The following FAR2 variants were observed in gnomAD, a reference collection of about 807,000 sequenced individuals.
FAR2 encodes the protein fatty acyl-CoA reductase 2.
A neutral mutation model predicts 56.0 loss-of-function variants in FAR2; 19 were observed. The observed-to-expected ratio is 0.34, with a 90% CI of 0.24 to 0.50. FAR2 has a LOEUF of 0.50. Ranked by LOEUF, FAR2 falls within the 20% of genes least tolerant of loss-of-function variation. The pLI, the probability that FAR2 is intolerant of heterozygous loss-of-function variation, is 0.98. For synonymous variants in FAR2, 219 were observed against 218.8 expected (o/e 1.00, Z -0.01); for missense variants, 508 against 642.2 (o/e 0.79, Z 2.26).
intron 1 of FAR2, among the ~76,000 whole-genome samples, chr12:29,262,637 ATAAG>A (rs199890038): frequency 0.068 from 10,361 of 152,172 alleles, 417 homozygotes; most frequent in South Asian, 0.13. Flanking sequence ...TCTTCAAAAA[ATAAG>A]TAAGTAAATA....
At chr12:29,290,849 G>A (rs1032627200) in intron 2 of FAR2, among the ~76,000 whole-genome samples, 1 of 152,186 alleles carries the variant, frequency 6.6e-6, no homozygotes, top group African/African-American at 2.4e-5. Context: ...GTTACCAGAG[G>A]CTGGGAAGGC....
At chr12:29,191,915 GC>G (rs578089813) in intron 1 of FAR2, among the ~76,000 whole-genome samples, 20 of 152,182 alleles carry the variant, frequency 1.3e-4, no homozygotes, top group Non-Finnish European at 2.5e-4. Flanking sequence ...TTGTAACAAT[GC>G]TTTTCAAGGC....
At chr12:29,311,750 T>C (rs1394064101) in intron 7 of FAR2, 133 bp from the exon 8 acceptor site, 4 of 609,688 alleles carry the variant, frequency 6.6e-6, no homozygotes, top group South Asian at 2.2e-5. Flanking sequence ...GAATGAACGA[T>C]GGAAGCCTTT....
chr12:29,166,164 A>C (rs552951203), intron 1 of FAR2, among the ~76,000 whole-genome samples: 2 of 152,382 alleles, frequency 1.3e-5, no homozygotes, highest in Non-Finnish European at 2.9e-5. Flanking sequence ...AATTGTTAAT[A>C]TAAAGTCTAA....
chr12:29,234,934 C>T (rs1465396043), intron 1 of FAR2, among the ~76,000 whole-genome samples: 2 of 152,122 alleles, frequency 1.3e-5, no homozygotes, highest in African/African-American at 2.4e-5. Flanking sequence ...TTATTCATCA[C>T]GCATATATCA....
rs758725922 is a variant in FAR2, at chr12:29,293,341, G to C, written c.231G>C (p.Glu77Asp). ...KVKEVCPNVH[E>D]KIRAIYADLN... ...AAGAAGTTTGTCCAAATGTGCATGAGAAGATCAGAGCTATTTATGCAGATC... is the reference window on the plus strand; with the variant it reads ...AAGAAGTTTGTCCAAATGTGCATGACAAGATCAGAGCTATTTATGCAGATC... The change falls in exon 3 of 12, where the codon GAG becomes GAC. Residue 77 changes from glutamate (E) to aspartate (D), a missense_variant. By Grantham distance (45) the Glu-to-Asp change is conservative. Coordinates refer to ENST00000536681, the MANE Select transcript of FAR2 (RefSeq NM_001271783.2). 6.2e-7 allele frequency: 1 copy of C among 1,602,514 alleles called. No homozygotes were observed. Among genetic ancestry groups the C allele is most frequent in the Admixed American group, 1.7e-5 (1 of 57,346 alleles).
chr12:29,192,330 T>A (rs1470081091), intron 1 of FAR2, among the ~76,000 whole-genome samples: 1 of 152,220 alleles, frequency 6.6e-6, no homozygotes, highest in Non-Finnish European at 1.5e-5. Flanking sequence ...TGTGAACAAT[T>A]GGACGCATGA....
intron 2 of FAR2, chr12:29,277,932 C>CTTTTTTTTTTTTTTTTTTT: frequency 8.7e-6 from 1 of 115,490 alleles, no homozygotes; most frequent in Non-Finnish European, 1.7e-5. Context: ...TATTTTCTTT[C>CTTTTTTTTTTTTTTTTTTT]TTTTTTTTTT....
intron 1 of FAR2, among the ~76,000 whole-genome samples, chr12:29,176,453 T>A (rs1949939215): frequency 6.6e-6 from 1 of 152,160 alleles, no homozygotes; most frequent in Non-Finnish European, 1.5e-5. Flanking sequence ...ACATCTTTAG[T>A]TTGCATTTTT....
chr12:29,185,205 G>A lies in FAR2; in HGVS notation c.-39+35798G>A, dbSNP rs1209139230. 3.3e-5 allele frequency among the ~76,000 whole-genome samples: 5 copies of A among 152,276 alleles called. No homozygotes were observed. The South Asian group carries it at 6.2e-4, about 19-fold the overall frequency. ...TGTCAGTTTTTTACTACAAAAGGCA[G>A]CATATGGTTAAATTTCAAATTAATG... On this transcript the variant is annotated intron_variant, in intron 1 of 11. Coordinates refer to ENST00000536681, the MANE Select transcript of FAR2 (RefSeq NM_001271783.2).
In FAR2 at chr12:29,324,564, T is replaced by C. The variant is rs1032703500; in HGVS notation, c.1257+2640T>C. Among the ~76,000 whole-genome samples the C allele has an allele frequency of 6.6e-5, 10 of 152,292 alleles. 1 individual carries two copies. The highest frequency in any genetic ancestry group is 2.4e-4 in the African/African-American group (10 of 41,564). On this transcript the variant is annotated intron_variant, in intron 10 of 11. Coordinates refer to ENST00000536681, the MANE Select transcript of FAR2 (RefSeq NM_001271783.2). ...ACAGATGATCTCTCGGCAGAAACTC[T>C]ACAAGCCAGAAGAGAGTGGGGGCCG...
intron 4 of FAR2, among the ~76,000 whole-genome samples, chr12:29,302,235 G>GAAA (rs1949182754): frequency 7.8e-5 from 2 of 25,542 alleles, no homozygotes; most frequent in Non-Finnish European, 1.4e-4. Context: ...CCATCTCAAA[G>GAAA]GAAAAAAAAA....
chr12:29,150,301 G>A (rs1226330501), intron 1 of FAR2, among the ~76,000 whole-genome samples: 1 of 152,240 alleles, frequency 6.6e-6, no homozygotes, highest in Non-Finnish European at 1.5e-5. Flanking sequence ...GAGTTATGTG[G>A]TGTGAGCAAC....
intron 1 of FAR2, among the ~76,000 whole-genome samples, chr12:29,182,859 C>T (rs1323324165): frequency 6.6e-6 from 1 of 151,992 alleles, no homozygotes; most frequent in East Asian, 1.9e-4. Flanking sequence ...TTCCCATTCA[C>T]ACCTATTCCT....
In FAR2 at chr12:29,293,347, C is replaced by A; in HGVS notation, c.237C>A (p.Ile79=). The A allele has an allele frequency of 6.2e-7, 1 of 1,607,258 alleles. No individual in the cohort carries two copies. Among genetic ancestry groups the A allele is most frequent in the Non-Finnish European group, 8.5e-7 (1 of 1,177,502 alleles). The change falls in exon 3 of 12, where the codon ATC becomes ATA. Residue 79 remains isoleucine, a synonymous_variant. Coordinates refer to ENST00000536681, the MANE Select transcript of FAR2 (RefSeq NM_001271783.2). The part of the protein sequence containing the change: ...KEVCPNVHEK[I]RAIYADLNQN... Reference sequence around the variant, plus strand: ...TTTGTCCAAATGTGCATGAGAAGATCAGAGCTATTTATGCAGATCTCAATC... The same window carrying A: ...TTTGTCCAAATGTGCATGAGAAGATAAGAGCTATTTATGCAGATCTCAATC...
intron 10 of FAR2, 144 bp downstream of exon 10, chr12:29,322,068 T>G: frequency 1.1e-6 from 1 of 891,746 alleles, no homozygotes; most frequent in Non-Finnish European, 1.6e-6. Flanking sequence ...AGAAAATCAG[T>G]CAATGCTATC....
Position 29,333,716 on chromosome 12 carries a change from G to C in FAR2, c.1470G>C (p.Arg490=), listed in dbSNP as rs1006278192. The C allele has an allele frequency of 1.3e-5, 21 of 1,613,704 alleles. No individual in the cohort carries two copies. Among genetic ancestry groups the C allele is most frequent in the Non-Finnish European group, 1.6e-5 (19 of 1,179,770 alleles). Reference sequence around the variant, plus strand: ...TCATTGCAAGATCTCAGATGGCTCGGAATGTCTGGTTCTTCATTGTAAGCT... The same window carrying C: ...TCATTGCAAGATCTCAGATGGCTCGCAATGTCTGGTTCTTCATTGTAAGCT... ...RLLIARSQMA[R]NVWFFIVSFC... The change falls in exon 12 of 12, where the codon CGG becomes CGC. Residue 490 remains arginine (R), a synonymous_variant. Transcript: ENST00000536681.
At chr12:29,300,758 T>C (rs527308163) in intron 4 of FAR2, among the ~76,000 whole-genome samples, 1 of 152,322 alleles carries the variant, frequency 6.6e-6, no homozygotes, top group Non-Finnish European at 1.5e-5. Context: ...GACAACAAGA[T>C]GATCTTGAAG....
intron 4 of FAR2, among the ~76,000 whole-genome samples, chr12:29,307,447 G>A (rs953595577): frequency 5.9e-5 from 9 of 152,104 alleles, no homozygotes; most frequent in Admixed American, 5.2e-4. Flanking sequence ...TTGGATGGGA[G>A]GGCATAGGAT....
Sources: gnomAD v4.1 joint callset for allele counts (sites outside exome capture counted in the v4.1 genomes callset) on GRCh38, gnomAD v4.1.1 for gene constraint, MANE v1.5 for transcripts, NCBI Gene and HGNC (gene_info 2026-07-23, HGNC 2026-07-21) for gene names.